The following LRMDA variants were observed in gnomAD, a reference collection of about 807,000 sequenced individuals.
LRMDA encodes the protein leucine-rich melanocyte differentiation-associated protein.
A neutral mutation model predicts 29.8 loss-of-function variants in LRMDA; 18 were observed. That is an observed-to-expected ratio of 0.60 (90% CI 0.42 to 0.90). LRMDA has a LOEUF of 0.90. Among genes scored for constraint, LRMDA ranks in the 40% least tolerant of loss-of-function variants. The probability of loss-of-function intolerance (pLI) is 0.00; values close to 1 mark genes in which losing one functional copy is unlikely to be tolerated. For synonymous variants in LRMDA, 125 were observed against 109.4 expected (o/e 1.14, Z -0.89); for missense variants, 273 against 273.9 (o/e 1.00, Z 0.02).
chr10:76,389,215 G>A (rs1245585409), intron 6 of LRMDA, among the ~76,000 whole-genome samples: 2 of 152,156 alleles, frequency 1.3e-5, no homozygotes, highest in Admixed American at 6.5e-5. Flanking sequence ...AAGCCCCCAG[G>A]CAAGTGAGTA....
chr10:75,859,581 T>A, intron 2 of LRMDA, among the ~76,000 whole-genome samples: 1 of 149,440 alleles, frequency 6.7e-6, no homozygotes, highest in African/African-American at 2.5e-5. Context: ...TTCTAGGACA[T>A]CTTTATATAT....
chr10:76,338,036 A>G (rs1455072806), intron 6 of LRMDA, among the ~76,000 whole-genome samples: 2 of 151,916 alleles, frequency 1.3e-5, no homozygotes, highest in African/African-American at 4.8e-5. Context: ...TTCAAGGCAG[A>G]AGAAATAATA....
chr10:76,236,315 A>G (rs1589387849), intron 5 of LRMDA, among the ~76,000 whole-genome samples: 1 of 152,196 alleles, frequency 6.6e-6, no homozygotes, highest in East Asian at 1.9e-4. Context: ...TTGCATCCCC[A>G]TTGTTCCTAT....
chr10:76,098,434 C>G (rs1430848291), intron 5 of LRMDA, among the ~76,000 whole-genome samples: 2 of 152,126 alleles, frequency 1.3e-5, no homozygotes, highest in African/African-American at 4.8e-5. Flanking sequence ...TTGGTGTCTT[C>G]AAAGGGATTT....
At chr10:76,537,172 A>G (rs1425035356) in intron 6 of LRMDA, among the ~76,000 whole-genome samples, 1 of 152,200 alleles carries the variant, frequency 6.6e-6, no homozygotes, top group Non-Finnish European at 1.5e-5. Flanking sequence ...GCTTTCTGGC[A>G]CAACAAAATG....
At chr10:76,425,973 T>C (rs1447790904) in intron 6 of LRMDA, among the ~76,000 whole-genome samples, 1 of 152,214 alleles carries the variant, frequency 6.6e-6, no homozygotes, top group Non-Finnish European at 1.5e-5. Flanking sequence ...GGTGTATATG[T>C]GCCACGTTTT....
At chr10:75,531,654 C>T (rs1845479383) in intron 2 of LRMDA, among the ~76,000 whole-genome samples, 1 of 152,216 alleles carries the variant, frequency 6.6e-6, no homozygotes, top group African/African-American at 2.4e-5. Flanking sequence ...CTCTTGTTCT[C>T]TGGACAGGGT....
intron 5 of LRMDA, among the ~76,000 whole-genome samples, chr10:76,066,747 C>G (rs1341926096): frequency 2.6e-5 from 4 of 152,198 alleles, no homozygotes. Flanking sequence ...AGGCAAAGAA[C>G]TACAGGAGCC....
In LRMDA at chr10:76,096,575, A is replaced by G. The variant is rs532563223; in HGVS notation, c.516+37792A>G. Among the ~76,000 whole-genome samples, 20 of 152,176 alleles carry G rather than the reference A, an allele frequency of 1.3e-4. No homozygotes were observed. The South Asian group carries it at 2.5e-3, about 19-fold the overall frequency. ...CTCTGATTTTGTACTTTTTTGACAA[A>G]TTATTTTGGGTATTCTAGTTCTTTT... On this transcript the variant is annotated intron_variant, in intron 5 of 6. Coordinates refer to ENST00000611255, the MANE Select transcript of LRMDA (RefSeq NM_001305581.2).
intron 2 of LRMDA, among the ~76,000 whole-genome samples, chr10:76,026,505 C>T (rs1848065216): frequency 1.3e-5 from 2 of 152,168 alleles, no homozygotes; most frequent in African/African-American, 2.4e-5. Context: ...GCATATTTTA[C>T]ACAAATAGAG....
intron 2 of LRMDA, among the ~76,000 whole-genome samples, chr10:75,509,160 G>T (rs772580586): frequency 6.6e-6 from 1 of 152,150 alleles, no homozygotes; most frequent in Non-Finnish European, 1.5e-5. Context: ...GCTGCTGTTT[G>T]TTGGCCCTCA....
intron 6 of LRMDA, among the ~76,000 whole-genome samples, chr10:76,396,826 A>G (rs866781592): frequency 2.6e-5 from 4 of 152,156 alleles, no homozygotes; most frequent in Non-Finnish European, 5.9e-5. Context: ...ATACATATAT[A>G]TATTTTCAAG....
intron 6 of LRMDA, among the ~76,000 whole-genome samples, chr10:76,513,825 G>A (rs539198712): frequency 6.6e-6 from 1 of 152,252 alleles, no homozygotes; most frequent in Admixed American, 6.5e-5. Flanking sequence ...GGCAGGTCAG[G>A]TATGTGTGAA....
chr10:75,752,391 G>A (rs537975146), intron 2 of LRMDA, among the ~76,000 whole-genome samples: 1 of 151,778 alleles, frequency 6.6e-6, no homozygotes, highest in Non-Finnish European at 1.5e-5. Context: ...TTTTGTATTT[G>A]TAGTAGATAT....
intron 6 of LRMDA, among the ~76,000 whole-genome samples, chr10:76,337,586 G>A (rs974701017): frequency 6.6e-6 from 1 of 152,210 alleles, no homozygotes; most frequent in African/African-American, 2.4e-5. Flanking sequence ...TGTGGCTGGA[G>A]TTAGTAATCT....
chr10:76,375,539 G>A (rs1841506045), intron 6 of LRMDA, among the ~76,000 whole-genome samples: 1 of 152,114 alleles, frequency 6.6e-6, no homozygotes, highest in South Asian at 2.1e-4. Flanking sequence ...TCAACATATT[G>A]GACATGGATA....
At chr10:75,451,315 T>C (rs577528370) in intron 2 of LRMDA, 2 of 152,348 alleles carry the variant, frequency 1.3e-5, no homozygotes, top group South Asian at 2.1e-4. Flanking sequence ...TAACATTGCA[T>C]GAAATCTCTT....
chr10:75,854,218 C>A (rs1003080134), intron 2 of LRMDA, among the ~76,000 whole-genome samples: 2 of 152,122 alleles, frequency 1.3e-5, no homozygotes, highest in Admixed American at 1.3e-4. Flanking sequence ...AAAGTCTCGA[C>A]CATCTATAAG....
At chr10:76,003,227 T>G (rs1006176807) in intron 2 of LRMDA, among the ~76,000 whole-genome samples, 1 of 152,116 alleles carries the variant, frequency 6.6e-6, no homozygotes, top group African/African-American at 2.4e-5. Flanking sequence ...ACTCCACCAT[T>G]AGACGGGATT....
Sources: gnomAD v4.1 joint callset for allele counts (sites outside exome capture counted in the v4.1 genomes callset) on GRCh38, gnomAD v4.1.1 for gene constraint, MANE v1.5 for transcripts, NCBI Gene and HGNC (gene_info 2026-07-23, HGNC 2026-07-21) for gene names.